Variants in MDGA2 observed in about 807,000 individuals in gnomAD.
The protein encoded by MDGA2 is MAM domain-containing glycosylphosphatidylinositol anchor protein 2.
In MDGA2, 40 loss-of-function variants were observed where a neutral mutation model predicts 117.8. The ratio of observed to expected loss-of-function variants is 0.34; its 90% CI spans 0.26 to 0.44. MDGA2 has a LOEUF of 0.44. MDGA2 is among the 20% of genes least tolerant of loss of function. The probability of loss-of-function intolerance (pLI) is 1.00; values close to 1 mark genes in which losing one functional copy is unlikely to be tolerated. For synonymous variants in MDGA2, 452 were observed against 439.0 expected, an observed-to-expected ratio of 1.03 and a Z score of -0.37; for missense variants, 1,123 against 1,250.6, an observed-to-expected ratio of 0.90 and a Z score of 1.54.
chr14:47,519,716 TG>T (rs1257853340), intron 1 of MDGA2, among the ~76,000 whole-genome samples: 3 of 152,178 alleles, frequency 2.0e-5, no homozygotes, highest in African/African-American at 7.2e-5. Context: ...TCTTTTCATT[TG>T]GAAAAAAAAT....
At chr14:47,217,919 T>C (rs914007161) in intron 3 of MDGA2, 102 bp downstream of exon 3, 2 of 927,030 alleles carry the variant, frequency 2.2e-6, no homozygotes, top group Non-Finnish European at 3.0e-6. Flanking sequence ...GTTTTCATTC[T>C]CAGCTAAACA....
intron 3 of MDGA2, among the ~76,000 whole-genome samples, chr14:47,177,849 A>G (rs1021580653): frequency 1.3e-5 from 2 of 152,154 alleles, no homozygotes; most frequent in Admixed American, 1.3e-4. Context: ...AATTTATTAT[A>G]TGTATGTGGT....
intron 10 of MDGA2, 102 bp from the exon 11 acceptor site, chr14:46,882,323 G>C (rs534365148): frequency 4.3e-6 from 4 of 941,158 alleles, no homozygotes; most frequent in Non-Finnish European, 6.2e-6. Flanking sequence ...CAAAAAGTAC[G>C]TATATTAATG....
chr14:47,593,763 A>G (rs921848215), intron 1 of MDGA2, among the ~76,000 whole-genome samples: 6 of 152,128 alleles, frequency 3.9e-5, no homozygotes, highest in African/African-American at 1.2e-4. Context: ...TAAATAGCTA[A>G]TGGATGCAGG....
intron 7 of MDGA2, among the ~76,000 whole-genome samples, chr14:47,041,561 A>C (rs1158356245): frequency 2.0e-5 from 3 of 152,010 alleles, no homozygotes. Flanking sequence ...TTTGCCTGAA[A>C]TACTACTGCA....
chr14:46,988,174 T>C (rs1436349889), intron 8 of MDGA2, among the ~76,000 whole-genome samples: 1 of 152,012 alleles, frequency 6.6e-6, no homozygotes, highest in African/African-American at 2.4e-5. Flanking sequence ...CTCTGGTTTA[T>C]TATTGTGTCC....
intron 2 of MDGA2, among the ~76,000 whole-genome samples, chr14:47,260,183 G>A (rs1194724550): frequency 6.6e-6 from 1 of 152,024 alleles, no homozygotes; most frequent in East Asian, 1.9e-4. Flanking sequence ...GAGAAAATGG[G>A]TACAAAGTCC....
chr14:46,924,653 G>A (rs1363635201), intron 9 of MDGA2, among the ~76,000 whole-genome samples: 1 of 151,330 alleles, frequency 6.6e-6, no homozygotes, highest in Non-Finnish European at 1.5e-5. Flanking sequence ...AATAAAATGA[G>A]CCCATTTTAT....
At chr14:47,651,616 T>G (rs1477972973) in intron 1 of MDGA2, among the ~76,000 whole-genome samples, 1 of 151,948 alleles carries the variant, frequency 6.6e-6, no homozygotes, top group Non-Finnish European at 1.5e-5. Flanking sequence ...TGTATGGATG[T>G]ATGTAGGGAG....
chr14:47,058,707 TGTAAGCAAA>T, intron 7 of MDGA2: 3 of 985,378 alleles, frequency 3.0e-6, no homozygotes, highest in Non-Finnish European at 3.6e-6. Context: ...TCCACTCTAT[TGTAAGCAAA>T]TTGGAACATC....
intron 5 of MDGA2, among the ~76,000 whole-genome samples, chr14:47,119,120 G>A (rs1298748350): frequency 3.1e-5 from 4 of 130,024 alleles, no homozygotes; most frequent in Non-Finnish European, 6.3e-5. Context: ...GCGCAGTTTC[G>A]GCTCACCGCA....
chr14:47,142,259 C>CA (rs1191029525), intron 4 of MDGA2, among the ~76,000 whole-genome samples: 1 of 152,070 alleles, frequency 6.6e-6, no homozygotes, highest in Non-Finnish European at 1.5e-5. Flanking sequence ...GCCTAGCCAA[C>CA]ATGGTGAAAC....
chr14:47,062,122 T>C (rs1268727663), intron 6 of MDGA2, among the ~76,000 whole-genome samples: 1 of 152,048 alleles, frequency 6.6e-6, no homozygotes, highest in African/African-American at 2.4e-5. Context: ...AACATTTTCA[T>C]ATATTGAAAT....
At chr14:46,938,527 C>T (rs142305059) in intron 9 of MDGA2, among the ~76,000 whole-genome samples, 1,850 of 37,940 alleles carry the variant, frequency 0.049, 47 homozygotes, top group African/African-American at 0.11. Flanking sequence ...GCAACAAGAA[C>T]GAAAATCCAT....
chr14:47,426,498 C>T (rs1174218721), intron 1 of MDGA2, among the ~76,000 whole-genome samples: 1 of 151,674 alleles, frequency 6.6e-6, no homozygotes, highest in Non-Finnish European at 1.5e-5. Flanking sequence ...AGATAGCAAC[C>T]ATTTTAACTA....
intron 2 of MDGA2, among the ~76,000 whole-genome samples, chr14:47,228,234 G>A (rs1363245344): frequency 6.6e-6 from 1 of 152,084 alleles, no homozygotes; most frequent in East Asian, 1.9e-4. Context: ...TAGTAAAATA[G>A]TCATTTACTA....
chr14:47,458,062 T>C (rs994474985), intron 1 of MDGA2, among the ~76,000 whole-genome samples: 4 of 151,936 alleles, frequency 2.6e-5, no homozygotes, highest in African/African-American at 9.7e-5. Context: ...ATATTGAGCA[T>C]ATACCTGCTG....
intron 1 of MDGA2, among the ~76,000 whole-genome samples, chr14:47,507,744 G>A (rs1894545663): frequency 6.6e-6 from 1 of 152,166 alleles, no homozygotes; most frequent in African/African-American, 2.4e-5. Context: ...TATCTTCAGT[G>A]TCAGAACTGC....
chr14:47,498,270 A>G (rs942270014), intron 1 of MDGA2, among the ~76,000 whole-genome samples: 5 of 152,182 alleles, frequency 3.3e-5, no homozygotes, highest in Non-Finnish European at 4.4e-5. Flanking sequence ...TTGCTGTAAT[A>G]TAATCCTTTT....
Sources: allele counts gnomAD v4.1 joint callset (sites outside exome capture counted in the v4.1 genomes callset), GRCh38; gene constraint gnomAD v4.1.1; transcripts MANE v1.5; gene names NCBI Gene and HGNC (gene_info 2026-07-23, HGNC 2026-07-21).